The following SPTB variants were observed in gnomAD, a reference collection of about 807,000 sequenced individuals.
The protein encoded by SPTB is spectrin beta chain, erythrocytic.
Under a neutral mutation model 256.2 loss-of-function variants are expected in SPTB, and 45 were observed. The ratio of observed to expected loss-of-function variants is 0.18; its 90% CI spans 0.14 to 0.23. The LOEUF (loss-of-function observed/expected upper bound fraction) is 0.23, where lower values mean the gene tolerates loss of function less well. Among genes scored for constraint, SPTB ranks in the 10% least tolerant of loss-of-function variants. The pLI is 1.00. For missense variants in SPTB, 2,715 were observed against 3,040.4 expected, an observed-to-expected ratio of 0.89 and a Z score of 2.52; for synonymous variants, 1,231 against 1,243.1, an observed-to-expected ratio of 0.99 and a Z score of 0.21.
At chr14:64,776,596 A>G (rs996498217) in intron 22 of SPTB, among the ~76,000 whole-genome samples, 1 of 151,130 alleles carries the variant, frequency 6.6e-6, no homozygotes, top group African/African-American at 2.4e-5. Flanking sequence ...ATGTACCACC[A>G]CATCTGGCTA....
intron 1 of SPTB, among the ~76,000 whole-genome samples, chr14:64,859,116 T>C (rs2083918404): frequency 6.6e-6 from 1 of 150,494 alleles, no homozygotes; most frequent in African/African-American, 2.5e-5. Context: ...TAGCCAGACG[T>C]GGTGGCACGT....
intron 2 of SPTB, among the ~76,000 whole-genome samples, chr14:64,814,419 G>A (rs562246906): frequency 6.6e-6 from 1 of 151,852 alleles, no homozygotes; most frequent in East Asian, 1.9e-4. Context: ...CAAAATCTCT[G>A]GTTTCCTTTA....
intron 29 of SPTB, chr14:64,768,133 C>A: frequency 2.0e-6 from 1 of 511,108 alleles, no homozygotes; most frequent in South Asian, 2.0e-5. Context: ...CCTCAGCCTC[C>A]TGGGTTCAAG....
rs2082063241 is a variant in SPTB at position 64,759,505 on chromosome 14, C to G, written c.6346-5712G>C. Among the ~76,000 whole-genome samples the G allele has an allele frequency of 6.6e-6, 1 of 152,188 alleles. No homozygotes were observed. The highest frequency in any genetic ancestry group is 2.1e-4 in the South Asian group (1 of 4,826). On this transcript the variant is annotated intron_variant, in intron 32 of 35. Coordinates refer to ENST00000644917, the MANE Select transcript of SPTB (RefSeq NM_001355436.2). This position sits in a 1 kb window ranked among gnomAD's most constrained non-coding sequence, Gnocchi z 4.8. ...AATAAGAGGGGATGAGGGGAGGCTG[C>G]CCCCCTGTAAGCAGGCCATGGTCTG...
chr14:64,857,349 G>A (rs572747217), intron 1 of SPTB, among the ~76,000 whole-genome samples: 2 of 152,112 alleles, frequency 1.3e-5, no homozygotes, highest in Admixed American at 1.3e-4. Context: ...TTGGGAGGCC[G>A]AGGCGGGAAT....
chr14:64,810,430 G>A (rs1270741643), intron 2 of SPTB, among the ~76,000 whole-genome samples: 2 of 152,220 alleles, frequency 1.3e-5, no homozygotes, highest in South Asian at 2.1e-4. Context: ...TGTAATTCCA[G>A]CACTTTTGGG....
At chr14:64,771,252 G>T in intron 26 of SPTB, 123 bp from the exon 27 acceptor site, 1 of 1,478,392 alleles carries the variant, frequency 6.8e-7, no homozygotes, top group African/African-American at 1.4e-5. Flanking sequence ...TGGAAGGTAG[G>T]ATCTTCAGCC....
chr14:64,866,295 G>T lies in SPTB; in HGVS notation c.-52+13497C>A, dbSNP rs1193624297. ...CTCTCCATCGAGTTTGCTGACTGTT[G>T]TCTGCTTATCGCTGGCCTCAGGACA... On this transcript the variant is annotated intron_variant, in intron 1 of 35. Transcript: ENST00000644917. The surrounding 1 kb of genome is among the most constrained non-coding windows in gnomAD (Gnocchi z 4.6). 6.6e-6 allele frequency among the ~76,000 whole-genome samples: 1 copy of T among 152,122 alleles called. No homozygotes were observed. The highest frequency in any genetic ancestry group is 1.5e-5 in the Non-Finnish European group (1 of 68,018).
intron 1 of SPTB, among the ~76,000 whole-genome samples, chr14:64,874,235 A>G (rs919185501): frequency 2.0e-5 from 3 of 152,046 alleles, no homozygotes; most frequent in South Asian, 2.1e-4. Flanking sequence ...CCCTTCTTCC[A>G]TTATAGAAAT....
chr14:64,821,024 C>T (rs1426170281), intron 2 of SPTB, among the ~76,000 whole-genome samples: 1 of 152,102 alleles, frequency 6.6e-6, no homozygotes, highest in Non-Finnish European at 1.5e-5. Flanking sequence ...CCAAGCAGCT[C>T]ATCAGACGTG....
chr14:64,763,341 C>T (rs873642), intron 32 of SPTB, among the ~76,000 whole-genome samples: 19,774 of 152,244 alleles, frequency 0.13, 1,342 homozygotes, highest in Middle Eastern at 0.16. Context: ...CTGTCCTTAC[C>T]GTAGCAGAGG....
chr14:64,763,686 G>A (rs568348185), intron 32 of SPTB: 608 of 516,276 alleles, frequency 1.2e-3, no homozygotes, highest in Non-Finnish European at 1.9e-3. Context: ...CAGATGTCCT[G>A]ACTTCCCCTC....
At chr14:64,867,345 G>A (rs919071273) in intron 1 of SPTB, among the ~76,000 whole-genome samples, 3 of 152,112 alleles carry the variant, frequency 2.0e-5, no homozygotes, top group Admixed American at 6.5e-5. Context: ...AGTTGGGCAC[G>A]AGTGTCCCCA....
Position 64,759,401 on chromosome 14 carries a change from C to T in SPTB, c.6346-5608G>A, listed in dbSNP as rs1327873626. On this transcript the variant is annotated intron_variant, in intron 32 of 35. Transcript: ENST00000644917. The surrounding 1 kb of genome is among the most constrained non-coding windows in gnomAD (Gnocchi z 4.8). ...CCCAGCTCACCAGCTGAACCATCCACCCATGCCAACCGTGGGCCCTGGGTC... is the reference window on the plus strand; with the variant it reads ...CCCAGCTCACCAGCTGAACCATCCATCCATGCCAACCGTGGGCCCTGGGTC... Among the ~76,000 whole-genome samples, 2 of 152,216 alleles carry T rather than the reference C, an allele frequency of 1.3e-5. No individual in the cohort carries two copies. Among genetic ancestry groups the T allele is most frequent in the Admixed American group, 1.3e-4 (2 of 15,292 alleles).
In SPTB at chr14:64,766,367, C is replaced by T. The variant is rs539049876; in HGVS notation, c.6345+359G>A. 552 of 1,276,054 alleles carry T rather than the reference C, an allele frequency of 4.3e-4. 9 individuals are homozygous for T. The South Asian group carries it at 8.3e-3, about 19-fold the overall frequency. The allele number at this position is 1,276,054 out of a possible 1,614,324, so 79.0% of individuals were successfully genotyped here. A position where few individuals can be genotyped will look rare whatever the true frequency, so the allele number is the denominator to read the frequency against. The stretch of plus-strand genomic sequence containing the variant: ...AGGAGTTGGAAAATGGGGAAAAGGA[C>T]GGTGTACAGAAATGCACTAATCATC... On this transcript the variant is annotated intron_variant, in intron 32 of 35. Transcript: ENST00000644917.
intron 32 of SPTB, among the ~76,000 whole-genome samples, chr14:64,765,222 GGGCTCAC>G (rs978501818): frequency 2.0e-5 from 3 of 152,140 alleles, no homozygotes; most frequent in Non-Finnish European, 4.4e-5. Context: ...AGGTTCAGGC[GGGCTCAC>G]GGGACACCTG....
At chr14:64,765,461 T>A (rs750816688) in intron 32 of SPTB, among the ~76,000 whole-genome samples, 9 of 152,140 alleles carry the variant, frequency 5.9e-5, no homozygotes, top group Non-Finnish European at 1.2e-4. Flanking sequence ...GGTAAGGTCC[T>A]GAGGCGCATG....
chr14:64,802,135 A>T lies in SPTB; in HGVS notation c.566+91T>A. The T allele has an allele frequency of 8.2e-7, 1 of 1,216,174 alleles. No individual in the cohort carries two copies. Among genetic ancestry groups the T allele is most frequent in the Non-Finnish European group, 1.2e-6 (1 of 826,564 alleles). 75.3% of individuals were successfully genotyped at this position (1,216,174 alleles called of 1,614,324 possible). ...AGGGAGGCAGCTGTAGTTCTGGGTG[A>T]TGATGTCTAATGTCCCTCTGGAGAT... On this transcript the variant is annotated intron_variant, in intron 5 of 35. Transcript: ENST00000644917. This position sits in a 1 kb window ranked among gnomAD's most constrained non-coding sequence, Gnocchi z 5.1.
At chr14:64,833,564 AG>A (rs1282826781) in intron 1 of SPTB, among the ~76,000 whole-genome samples, 1 of 150,086 alleles carries the variant, frequency 6.7e-6, no homozygotes, top group African/African-American at 2.5e-5. Flanking sequence ...AAAAAAAAAA[AG>A]AAAAGAAACC....
Sources: allele counts gnomAD v4.1 joint callset (sites outside exome capture counted in the v4.1 genomes callset), GRCh38; gene constraint gnomAD v4.1.1; non-coding constraint Gnocchi (gnomAD v3.1); transcripts MANE v1.5; gene names NCBI Gene and HGNC (gene_info 2026-07-23, HGNC 2026-07-21).